ZSCAN1: variants seen among roughly 807,000 people sequenced by gnomAD.
ZSCAN1 encodes the protein zinc finger and SCAN domain-containing protein 1.
In ZSCAN1, 23 loss-of-function variants were observed where a neutral mutation model predicts 23.8. The ratio of observed to expected loss-of-function variants is 0.97; its 90% confidence interval spans 0.70 to 1.37. The LOEUF (loss-of-function observed/expected upper bound fraction) is 1.37. Among genes scored for constraint, ZSCAN1 ranks in the 40% most tolerant of loss-of-function variants. ZSCAN1 has a pLI of 0.00. For missense variants in ZSCAN1, 575 were observed against 554.0 expected (o/e 1.04, Z -0.38); for synonymous variants, 236 against 232.3 (o/e 1.02, Z -0.15).
At chr19:58,050,530 T>C (rs1050580273) in intron 4 of ZSCAN1, among the ~76,000 whole-genome samples, 5 of 152,176 alleles carry the variant, frequency 3.3e-5, no homozygotes, top group African/African-American at 7.2e-5. Flanking sequence ...TGTTTCATTT[T>C]GTTTTGTTTG....
Position 58,047,513 on chromosome 19 carries a change from G to A in ZSCAN1, c.466-4977G>A, listed in dbSNP as rs1223139676. 4.6e-5 allele frequency among the ~76,000 whole-genome samples: 7 copies of A among 152,226 alleles called. No homozygotes were observed. In the East Asian group the frequency reaches 1.2e-3, roughly 25 times the overall value. On this transcript the variant is annotated intron_variant, in intron 4 of 5. Transcript: ENST00000282326. The surrounding 1 kb of genome is among the most constrained non-coding windows in gnomAD (Gnocchi z 4.9). ...CTGACCCAAGCCACGCAACTCTGAC[G>A]TAGCCCTAGCCATGGGACTCCCTTG...
At chr19:58,052,410 G>A (rs1385842299) in intron 4 of ZSCAN1, 80 bp from the exon 5 acceptor site, 31 of 1,605,306 alleles carry the variant, frequency 1.9e-5, no homozygotes, top group South Asian at 4.4e-5. Flanking sequence ...GATGACGCCC[G>A]TTCCTTGGTT....
At position 58,047,853 on chromosome 19, in the gene ZSCAN1, C is replaced by G. The variant is rs1599906669; in HGVS notation, c.466-4637C>G. 6.6e-6 allele frequency among the ~76,000 whole-genome samples: 1 copy of G among 152,306 alleles called. No individual in the cohort carries two copies. The highest frequency in any genetic ancestry group is 2.1e-4 in the South Asian group (1 of 4,826). ...CCCTGTGCCCTCTGGGTGGGGTGGC[C>G]TCCCTGCACTCGGCAGCATGGTCGG... On this transcript the variant is annotated intron_variant, in intron 4 of 5. Transcript: ENST00000282326. This position sits in a 1 kb window ranked among gnomAD's most constrained non-coding sequence, Gnocchi z 4.9.
chr19:58,036,662 C>T (rs991113980), intron 2 of ZSCAN1, among the ~76,000 whole-genome samples: 1 of 150,896 alleles, frequency 6.6e-6, no homozygotes, highest in Non-Finnish European at 1.5e-5. Flanking sequence ...ATTACAGGTG[C>T]GTGCCACCAC....
Position 58,045,962 on chromosome 19 carries a change from A to G in ZSCAN1, c.465+5418A>G. On this transcript the variant is annotated intron_variant, in intron 4 of 5. Transcript: ENST00000282326. The surrounding 1 kb of genome is among the most constrained non-coding windows in gnomAD (Gnocchi z 4.3). ...AAGCAGGTGGACAAGGCCAAGCTAG[A>G]GGCCACACTGCAGGAGAAGGCGACC... 2 of 786,054 alleles carry G rather than the reference A, an allele frequency of 2.5e-6. No homozygotes were observed. Among genetic ancestry groups the G allele is most frequent in the South Asian group, 1.5e-5 (1 of 65,802 alleles). 48.7% of individuals were successfully genotyped at this position (786,054 alleles called of 1,614,324 possible).
Position 58,052,627 on chromosome 19 carries a change from G to A in ZSCAN1, c.603G>A (p.Leu201=). 1 of 1,595,508 alleles carries A rather than the reference G, an allele frequency of 6.3e-7. No homozygotes were observed. The highest frequency in any genetic ancestry group is 1.1e-5 in the South Asian group (1 of 88,678). Residue 201 remains leucine, a splice_region_variant and synonymous_variant, in exon 5 of 6, where the codon CTG becomes CTA. Transcript: ENST00000282326. ...EAEAPRAPGL[L]GSRARLPLKP... is the part of the protein sequence containing the mutation. Reference sequence around the variant, plus strand: ...AAGCGCCCCGCGCCCCTGGCTTGCTGGGTGAGTCTGGCTCCTGTGTGGATT... The same window carrying A: ...AAGCGCCCCGCGCCCCTGGCTTGCTAGGTGAGTCTGGCTCCTGTGTGGATT...
Position 58,037,895 on chromosome 19 carries a change from G to A in ZSCAN1, c.59G>A (p.Ser20Asn). The change falls in exon 3 of 6, where the codon AGT (serine) becomes AAT (asparagine). Residue 20 changes from serine (S) to asparagine (N), a missense_variant. Ser to Asn is a conservative substitution (Grantham distance 46). Coordinates refer to ENST00000282326, the MANE Select transcript of ZSCAN1 (RefSeq NM_182572.4). ...AGACGCCCCCAGACCCCAACCCCGA[G>A]TGAGCAGGACGCAGACCCTGGGCCA... is the stretch of plus-strand genomic sequence containing the variant. ...SPRRPQTPTP[S>N]EQDADPGPAS... 6.3e-7 allele frequency: 1 copy of A among 1,582,256 alleles called. No homozygotes were observed. The highest frequency in any genetic ancestry group is 8.6e-7 in the Non-Finnish European group (1 of 1,168,770).
chr19:58,049,248 C>T lies in ZSCAN1; in HGVS notation c.466-3242C>T, dbSNP rs2073844040. The T allele has an allele frequency of 6.5e-6, 1 of 152,696 alleles. No homozygotes were observed. Among genetic ancestry groups the T allele is most frequent in the Non-Finnish European group, 1.5e-5 (1 of 68,120 alleles). 9.5% of individuals were successfully genotyped at this position (152,696 alleles called of 1,614,324 possible). On this transcript the variant is annotated intron_variant, in intron 4 of 5. Transcript: ENST00000282326. The surrounding 1 kb of genome is among the most constrained non-coding windows in gnomAD (Gnocchi z 4.5). ...TTTCCGTTCCAAGGCCTTAAGAGCA[C>T]TAGCAGCGTTTTCCAAAAGCACAGA...
Position 58,052,774 on chromosome 19 carries a change from G to C in ZSCAN1, c.604+146G>C, listed in dbSNP as rs1053529055. The C allele has an allele frequency of 1.7e-5, 21 of 1,255,016 alleles. No homozygotes were observed. In the African/African-American group the frequency reaches 3.2e-4, roughly 19 times the overall value. The allele number at this position is 1,255,016 out of a possible 1,614,324, so 77.7% of individuals were successfully genotyped here. A position where few individuals can be genotyped will look rare whatever the true frequency, so the allele number is the denominator to read the frequency against. ...CAGAAAGCATGCACACCTCCTGTGA[G>C]GACTGAGATCTGGGGCCCCTAGAAC... On this transcript the variant is annotated intron_variant, in intron 5 of 5. Transcript: ENST00000282326.
At chr19:58,046,260 G>A (rs1345868033) in intron 4 of ZSCAN1, 1 of 778,916 alleles carries the variant, frequency 1.3e-6, no homozygotes, top group African/African-American at 1.7e-5. Flanking sequence ...CCAGGAAGAA[G>A]GAGGAGCTGG....
chr19:58,035,976 T>G lies in ZSCAN1; in HGVS notation c.-145T>G, dbSNP rs2073732382. On this transcript the variant is annotated 5_prime_UTR_variant, in exon 2 of 6. It removes an upstream start codon present in the reference 5' UTR. Coordinates refer to ENST00000282326, the MANE Select transcript of ZSCAN1 (RefSeq NM_182572.4). ...TTTTTCCATGTTGATGAAGGTCACA[T>G]GGGAGCCCGACACCATTTGGAGGAG... The G allele has an allele frequency of 6.6e-6, 1 of 152,208 alleles. No homozygotes were observed. The highest frequency in any genetic ancestry group is 1.5e-5 in the Non-Finnish European group (1 of 68,038). The allele number at this position is 152,208 out of a possible 1,614,324, so 9.4% of individuals were successfully genotyped here. A position where few individuals can be genotyped will look rare whatever the true frequency, so the allele number is the denominator to read the frequency against.
At chr19:58,043,651 AT>A (rs67841377) in intron 4 of ZSCAN1, among the ~76,000 whole-genome samples, 21,937 of 148,972 alleles carry the variant, frequency 0.15, 1,823 homozygotes, top group Middle Eastern at 0.22. Context: ...TTTGCTTTAC[AT>A]TTTTTTTTTC....
chr19:58,038,829 G>A (rs1294510120), intron 3 of ZSCAN1, among the ~76,000 whole-genome samples: 1 of 152,256 alleles, frequency 6.6e-6, no homozygotes, highest in African/African-American at 2.4e-5. Flanking sequence ...CAAAAGTGCA[G>A]GGATTGGACA....
rs779166560 is a variant in ZSCAN1 at position 58,037,925 on chromosome 19, GC to G, written c.93del (p.Arg32GlyfsTer36). 1.9e-6 allele frequency: 3 copies of G among 1,577,426 alleles called. No homozygotes were observed. The highest frequency in any genetic ancestry group is 8.6e-7 in the Non-Finnish European group (1 of 1,165,084). On this transcript the variant is annotated frameshift_variant, in exon 3 of 6. Coordinates refer to ENST00000282326, the MANE Select transcript of ZSCAN1 (RefSeq NM_182572.4). LOFTEE classifies it high-confidence loss of function. ...CAGGACGCAGACCCTGGGCCAGCAA[GC>G]CCCAGGGACACCGAAGCCCAGCGTC... is the stretch of plus-strand genomic sequence containing the variant. ...SEQDADPGPA[S>X]PRDTEAQRLR...
Position 58,054,205 on chromosome 19 carries a change from C to A in ZSCAN1, c.*154C>A. ...AAGCTGTTTCTCGGAAGACCCTGGA[C>A]ACCTGCTCCGAAGCCAAGCACGGGA... On this transcript the variant is annotated 3_prime_UTR_variant, in exon 6 of 6. Coordinates refer to ENST00000282326, the MANE Select transcript of ZSCAN1 (RefSeq NM_182572.4). The surrounding 1 kb of genome is among the most constrained non-coding windows in gnomAD (Gnocchi z 4.2). 1 of 1,078,418 alleles carries A rather than the reference C, an allele frequency of 9.3e-7. No homozygotes were observed. Among genetic ancestry groups the A allele is most frequent in the South Asian group, 1.9e-5 (1 of 51,882 alleles). The allele number at this position is 1,078,418 out of a possible 1,614,324, so 66.8% of individuals were successfully genotyped here.
At chr19:58,041,319 C>T (rs1325821182) in intron 4 of ZSCAN1, among the ~76,000 whole-genome samples, 1 of 152,218 alleles carries the variant, frequency 6.6e-6, no homozygotes, top group Non-Finnish European at 1.5e-5. Flanking sequence ...CAGCAGGTCC[C>T]TCCTAGAGGG....
At position 58,040,626 on chromosome 19, in the gene ZSCAN1, T is replaced by A; in HGVS notation, c.465+82T>A. 1 of 1,386,888 alleles carries A rather than the reference T, an allele frequency of 7.2e-7. No homozygotes were observed. The highest frequency in any genetic ancestry group is 1.7e-5 in the Admixed American group (1 of 58,464). The allele number at this position is 1,386,888 out of a possible 1,614,324, so 85.9% of individuals were successfully genotyped here. ...CTGGGACGGCCTCAAGGATGCCCCA[T>A]CCAAGGACTGTGTGAGGTTGTCCCC... is the stretch of plus-strand genomic sequence containing the variant. On this transcript the variant is annotated intron_variant, in intron 4 of 5. Coordinates refer to ENST00000282326, the MANE Select transcript of ZSCAN1 (RefSeq NM_182572.4). This position sits in a 1 kb window ranked among gnomAD's most constrained non-coding sequence, Gnocchi z 5.8.
chr19:58,043,314 C>T (rs565886609), intron 4 of ZSCAN1, among the ~76,000 whole-genome samples: 1 of 152,362 alleles, frequency 6.6e-6, no homozygotes, highest in East Asian at 1.9e-4. Context: ...CACGCACAGC[C>T]CATGGCTCCT....
chr19:58,052,299 T>C (rs1451023140), intron 4 of ZSCAN1, among the ~76,000 whole-genome samples, 191 bp from the exon 5 acceptor site: 1 of 152,116 alleles, frequency 6.6e-6, no homozygotes, highest in African/African-American at 2.4e-5. Context: ...CCCAGGCTGG[T>C]CCCAAACTCC....
Sources: gnomAD v4.1 joint callset for allele counts (sites outside exome capture counted in the v4.1 genomes callset) on GRCh38, gnomAD v4.1.1 for gene constraint, Gnocchi (gnomAD v3.1) non-coding constraint, MANE v1.5 for transcripts, NCBI Gene and HGNC (gene_info 2026-07-23, HGNC 2026-07-21) for gene names.